WASF1: variants seen among roughly 807,000 people sequenced by gnomAD.
WASF1 encodes the protein WASP family member 1.
In WASF1, 7 loss-of-function variants were observed where a neutral mutation model predicts 50.5. The observed-to-expected ratio is 0.14, with a 90% CI of 0.08 to 0.26. The LOEUF (loss-of-function observed/expected upper bound fraction) is 0.26, where lower values mean the gene tolerates loss of function less well. WASF1 is among the 10% of genes least tolerant of loss of function. The pLI, the probability that WASF1 is intolerant of heterozygous loss-of-function variation, is 1.00. For synonymous variants in WASF1, 205 were observed against 244.0 expected, an observed-to-expected ratio of 0.84 and a Z score of 1.49; for missense variants, 470 against 694.7, an observed-to-expected ratio of 0.68 and a Z score of 3.64.
chr6:110,120,246 A>C (rs577576483), intron 4 of WASF1, among the ~76,000 whole-genome samples: 2 of 152,296 alleles, frequency 1.3e-5, no homozygotes, highest in Admixed American at 1.3e-4. Context: ...GGGAAGTCAA[A>C]TTGTCTCTTG....
rs1299530512 is a variant in WASF1 at position 110,167,487 on chromosome 6, GGTGT to G, written c.-126-6759_-126-6756del. Among the ~76,000 whole-genome samples, 3 of 151,948 alleles carry G rather than the reference GGTGT, an allele frequency of 2.0e-5. No individual in the cohort carries two copies. The East Asian group carries it at 5.8e-4, about 29-fold the overall frequency. On this transcript the variant is annotated intron_variant, in intron 2 of 10. Transcript: ENST00000392589. ...CTGACCCTGCGTAGGCCTAGGATAA[GGTGT>G]GTGTTTCTCAGTCTCCTTTGCTAGT...
intron 4 of WASF1, among the ~76,000 whole-genome samples, chr6:110,120,217 G>A (rs558051637): frequency 6.6e-6 from 1 of 152,144 alleles, no homozygotes; most frequent in Admixed American, 6.6e-5. Context: ...AGAAATAAAG[G>A]GTATTCAATT....
At chr6:110,116,477 G>A (rs1478251498) in intron 4 of WASF1, among the ~76,000 whole-genome samples, 1 of 152,188 alleles carries the variant, frequency 6.6e-6, no homozygotes, top group Non-Finnish European at 1.5e-5. Flanking sequence ...AGCTTGACGG[G>A]GGAGGGGTGT....
intron 4 of WASF1, among the ~76,000 whole-genome samples, chr6:110,124,909 C>CA (rs1774353675): frequency 6.6e-6 from 1 of 151,504 alleles, no homozygotes; most frequent in South Asian, 2.1e-4. Context: ...GACTCTGTTT[C>CA]AAAAAAATAA....
At chr6:110,139,554 A>G (rs1376576987) in intron 3 of WASF1, among the ~76,000 whole-genome samples, 2 of 152,326 alleles carry the variant, frequency 1.3e-5, no homozygotes, top group South Asian at 2.1e-4. Flanking sequence ...TTGCTTGAAT[A>G]AACTCTTTAA....
At chr6:110,101,227 A>G (rs1773069645) in intron 10 of WASF1, among the ~76,000 whole-genome samples, 1 of 152,206 alleles carries the variant, frequency 6.6e-6, no homozygotes, top group Admixed American at 6.5e-5. Context: ...CCCAAAATGA[A>G]CAGCCTTAAC....
chr6:110,149,493 A>AG (rs1350366334), intron 3 of WASF1, among the ~76,000 whole-genome samples: 1 of 151,480 alleles, frequency 6.6e-6, no homozygotes, highest in Non-Finnish European at 1.5e-5. Flanking sequence ...TTAAAAAAAA[A>AG]AAAAAAAAAG....
intron 2 of WASF1, among the ~76,000 whole-genome samples, chr6:110,173,279 T>C (rs1776792275): frequency 6.6e-6 from 1 of 152,062 alleles, no homozygotes. Flanking sequence ...AATGGCTACA[T>C]GCTGGACTAA....
chr6:110,113,295 G>T, intron 5 of WASF1, 31 bp downstream of exon 5: 1 of 1,477,054 alleles, frequency 6.8e-7, no homozygotes. Flanking sequence ...AAATATATAC[G>T]TAGAAGAAAA....
intron 3 of WASF1, among the ~76,000 whole-genome samples, chr6:110,148,373 TTATAAG>T (rs1348692479): frequency 6.6e-6 from 1 of 152,036 alleles, no homozygotes; most frequent in Non-Finnish European, 1.5e-5. Context: ...CTAATTACGC[TTATAAG>T]TATAATGGAG....
chr6:110,110,933 G>C (rs1039516652), intron 5 of WASF1, among the ~76,000 whole-genome samples: 15 of 151,826 alleles, frequency 9.9e-5, no homozygotes, highest in African/African-American at 3.6e-4. Context: ...TTTAGATTCT[G>C]AATTCTTCCC....
Position 110,108,568 on chromosome 6 carries a change from A to C in WASF1, c.382T>G (p.Cys128Gly), listed in dbSNP as rs374627607. 2.6e-5 allele frequency: 42 copies of C among 1,613,922 alleles called. No individual in the cohort carries two copies. Among genetic ancestry groups the C allele is most frequent in the Non-Finnish European group, 3.4e-5 (40 of 1,179,952 alleles). Residue 128 changes from cysteine (C) to glycine (G), a missense_variant, in exon 6 of 11, where the codon TGT becomes GGT. Cys to Gly is a radical substitution (Grantham distance 159). Around this residue, in one of 3 missense-constraint regions of WASF1, gnomAD observed 140 missense variants for 260.5 expected, o/e 0.54. Transcript: ENST00000392589. The part of the protein sequence containing the change: ...PIPLQETYDV[C>G]EQPPPLNILT... ...ATATTGAGAGGTGGAGGCTGTTCAC[A>C]AACATCGTACGTCTCCTGTAATGGA...
At chr6:110,107,589 GATTT>G (rs1773375792) in intron 6 of WASF1, among the ~76,000 whole-genome samples, 1 of 152,056 alleles carries the variant, frequency 6.6e-6, no homozygotes, top group African/African-American at 2.4e-5. Flanking sequence ...CCAATACTAT[GATTT>G]ATTTATTATC....
At chr6:110,121,106 C>A (rs1014446714) in intron 4 of WASF1, among the ~76,000 whole-genome samples, 1 of 152,170 alleles carries the variant, frequency 6.6e-6, no homozygotes, top group South Asian at 2.1e-4. Context: ...CTAGGCAATA[C>A]CATTCAGGAC....
intron 5 of WASF1, among the ~76,000 whole-genome samples, chr6:110,109,928 C>T (rs930822251): frequency 8.5e-5 from 13 of 152,182 alleles, no homozygotes; most frequent in African/African-American, 2.9e-4. Flanking sequence ...ATTCACTCAA[C>T]ATGAACATGG....
At chr6:110,127,688 T>G in intron 3 of WASF1, 59 bp from the exon 4 acceptor site, 1 of 1,367,402 alleles carries the variant, frequency 7.3e-7, no homozygotes, top group Non-Finnish European at 9.6e-7. Flanking sequence ...AGAATGAGAC[T>G]TTATTTTTCA....
intron 3 of WASF1, among the ~76,000 whole-genome samples, chr6:110,136,136 A>G (rs748679657): frequency 2.4e-4 from 37 of 152,120 alleles, no homozygotes; most frequent in Non-Finnish European, 3.5e-4. Context: ...TGCCCGCCTC[A>G]GCCTCCCAAA....
chr6:110,124,208 TCTCTCTCTC>T (rs1352521066), intron 4 of WASF1, among the ~76,000 whole-genome samples: 6 of 112,558 alleles, frequency 5.3e-5, no homozygotes, highest in East Asian at 2.7e-4. Context: ...TCTCTCTCTC[TCTCTCTCTC>T]CTCTCTCTCC....
At chr6:110,178,127 G>A (rs1261758133) in intron 2 of WASF1, among the ~76,000 whole-genome samples, 2 of 152,062 alleles carry the variant, frequency 1.3e-5, no homozygotes, top group East Asian at 1.9e-4. Context: ...CTGATATGAT[G>A]GTTAAAATCC....
Sources: gnomAD v4.1 joint callset for allele counts (sites outside exome capture counted in the v4.1 genomes callset) on GRCh38, gnomAD v4.1.1 for gene constraint, gnomAD v4.1.1 regional missense constraint, MANE v1.5 for transcripts, NCBI Gene and HGNC (gene_info 2026-07-23, HGNC 2026-07-21) for gene names.